The following NHLRC2 variants were observed in gnomAD, a reference collection of about 807,000 sequenced individuals.
NHLRC2 encodes the protein NHL repeat-containing protein 2.
In NHLRC2, 33 loss-of-function variants were observed where a neutral mutation model predicts 68.1. The ratio of observed to expected loss-of-function variants is 0.48; its 90% confidence interval spans 0.37 to 0.65. The LOEUF (loss-of-function observed/expected upper bound fraction) is 0.65, where lower values mean the gene tolerates loss of function less well. NHLRC2 is among the 30% of genes least tolerant of loss of function. The pLI, the probability that NHLRC2 is intolerant of heterozygous loss-of-function variation, is 0.00. For missense variants in NHLRC2, 761 were observed against 853.8 expected, an observed-to-expected ratio of 0.89 and a Z score of 1.35; for synonymous variants, 311 against 309.6, an observed-to-expected ratio of 1.00 and a Z score of -0.05.
At chr10:113,893,439 T>C (rs1846150281) in intron 5 of NHLRC2, among the ~76,000 whole-genome samples, 2 of 152,182 alleles carry the variant, frequency 1.3e-5, no homozygotes, top group African/African-American at 4.8e-5. Context: ...TTTTATAAAA[T>C]GAAGATGATG....
chr10:113,876,155 A>C (rs1845977568), intron 2 of NHLRC2, among the ~76,000 whole-genome samples: 1 of 151,872 alleles, frequency 6.6e-6, no homozygotes, highest in African/African-American at 2.4e-5. Flanking sequence ...TCCCAAAAGC[A>C]GGCATAGTCA....
chr10:113,886,645 G>GT (rs1338568363), intron 5 of NHLRC2, among the ~76,000 whole-genome samples: 1 of 152,132 alleles, frequency 6.6e-6, no homozygotes, highest in Non-Finnish European at 1.5e-5. Context: ...AGGACAATTC[G>GT]TTCCATAAAT....
chr10:113,893,191 C>T (rs572787568), intron 5 of NHLRC2, among the ~76,000 whole-genome samples: 1 of 152,246 alleles, frequency 6.6e-6, no homozygotes, highest in South Asian at 2.1e-4. Flanking sequence ...TACATTTAAT[C>T]AGATCCCTGT....
intron 6 of NHLRC2, among the ~76,000 whole-genome samples, chr10:113,898,837 CTTAT>C (rs1295140664): frequency 6.6e-6 from 1 of 152,136 alleles, no homozygotes; most frequent in Non-Finnish European, 1.5e-5. Flanking sequence ...CCTCAGTTTC[CTTAT>C]TTATATTACC....
chr10:113,904,872 A>G lies in NHLRC2; in HGVS notation c.1760A>G (p.Lys587Arg). The G allele has an allele frequency of 6.2e-7, 1 of 1,613,402 alleles. No individual in the cohort carries two copies. Among genetic ancestry groups the G allele is most frequent in the Non-Finnish European group, 8.5e-7 (1 of 1,179,762 alleles). ...GTAGATGGCCCGTTCCTAGTAGAAAAACAGAAGACATTACCCAAACTACCT... is the reference window on the plus strand; with the variant it reads ...GTAGATGGCCCGTTCCTAGTAGAAAGACAGAAGACATTACCCAAACTACCT... Reference protein sequence around the residue: ...AVVDGPFLVEKQKTLPKLPKS... With the variant: ...AVVDGPFLVERQKTLPKLPKS... The change falls in exon 10 of 11, where the codon AAA becomes AGA. Residue 587 changes from lysine to arginine, a missense_variant. Coordinates refer to ENST00000369301, the MANE Select transcript of NHLRC2 (RefSeq NM_198514.4).
chr10:113,900,081 G>T (rs897198995), intron 6 of NHLRC2, among the ~76,000 whole-genome samples: 1 of 152,088 alleles, frequency 6.6e-6, no homozygotes, highest in African/African-American at 2.4e-5. Flanking sequence ...GCAAGAATTG[G>T]CACTAGTGAT....
chr10:113,856,481 C>G (rs575757319), intron 1 of NHLRC2, among the ~76,000 whole-genome samples: 87 of 60,800 alleles, frequency 1.4e-3, no homozygotes, highest in Admixed American at 3.5e-3. Flanking sequence ...GAATGCTTAT[C>G]CCATCAAACT....
rs573577719 is a variant in NHLRC2 at position 113,894,349 on chromosome 10, T to C, written c.1040-3761T>C. Among the ~76,000 whole-genome samples, 16 of 152,282 alleles carry C rather than the reference T, an allele frequency of 1.1e-4. 1 individual carries two copies. In the South Asian group the frequency reaches 3.1e-3, roughly 30 times the overall value. On this transcript the variant is annotated intron_variant, in intron 5 of 10. Coordinates refer to ENST00000369301, the MANE Select transcript of NHLRC2 (RefSeq NM_198514.4). Reference sequence around the variant, plus strand: ...TCTTAGTGTAGAAGGCTTATAAATCTTTTTTACCCTTAGGTGTTTGATGTT... The same window carrying C: ...TCTTAGTGTAGAAGGCTTATAAATCCTTTTTACCCTTAGGTGTTTGATGTT...
chr10:113,884,354 C>T lies in NHLRC2; in HGVS notation c.1013C>T (p.Pro338Leu), dbSNP rs1846062683. 3 of 1,609,878 alleles carry T rather than the reference C, an allele frequency of 1.9e-6. No individual in the cohort carries two copies. The highest frequency in any genetic ancestry group is 2.5e-6 in the Non-Finnish European group (3 of 1,177,068). The change falls in exon 5 of 11, where the codon CCT becomes CTT. Residue 338 changes from proline to leucine, a missense_variant. By Grantham distance (98) the Pro-to-Leu change is moderately conservative. Transcript: ENST00000369301. ...GGAGAACAACAACCCATTAGTTCCC[C>T]TTGGGATGTAGTTTTTGGAACATCA... Reference protein sequence around the residue: ...AKGEQQPISSPWDVVFGTSGS... With the variant: ...AKGEQQPISSLWDVVFGTSGS...
chr10:113,901,825 C>G lies in NHLRC2; in HGVS notation c.1299C>G (p.Ser433Arg), dbSNP rs773811674. ...WSCLFVADSE[S>R]STVRTVSLKD... ...GCTTGTTTGTAGCAGATAGTGAGAG[C>G]AGTACAGTGAGAACCGTTTCACTGA... Residue 433 changes from serine to arginine, a missense_variant, in exon 7 of 11, where the codon AGC becomes AGG. Transcript: ENST00000369301. 6.2e-7 allele frequency: 1 copy of G among 1,614,064 alleles called. No homozygotes were observed. Among genetic ancestry groups the G allele is most frequent in the East Asian group, 2.2e-5 (1 of 44,860 alleles).
rs11196532 is a variant in NHLRC2 at position 113,854,672 on chromosome 10, G to A, written c.-201G>A. The A allele has an allele frequency of 6.4e-4, 350 of 545,946 alleles. 1 individual carries two copies. The African/African-American group carries it at 6.6e-3, about 10-fold the overall frequency. 33.8% of individuals were successfully genotyped at this position (545,946 alleles called of 1,614,324 possible). On this transcript the variant is annotated 5_prime_UTR_variant, in exon 1 of 11. Transcript: ENST00000369301. ...GTGGGTCGGACGGCAGTTTAATTAC[G>A]TCCCCGGGAACTGCGCCGATTTGGA...
intron 9 of NHLRC2, among the ~76,000 whole-genome samples, chr10:113,904,382 T>A (rs1387223740): frequency 6.6e-6 from 1 of 152,162 alleles, no homozygotes; most frequent in African/African-American, 2.4e-5. Flanking sequence ...ACTGGTAATT[T>A]GCACGGTATA....
At position 113,854,843 on chromosome 10, in the gene NHLRC2, C is replaced by T. The variant is rs1845726299; in HGVS notation, c.-30C>T. The stretch of plus-strand genomic sequence containing the variant: ...TCCCAGCGAGACTCTCCCGCGGGCC[C>T]GGCGGCCGCATCGGGAGCCCGGCGG... On this transcript the variant is annotated 5_prime_UTR_variant, in exon 1 of 11. Transcript: ENST00000369301. The T allele has an allele frequency of 6.6e-7, 1 of 1,526,334 alleles. No individual in the cohort carries two copies. Among genetic ancestry groups the T allele is most frequent in the Non-Finnish European group, 8.8e-7 (1 of 1,137,014 alleles). 94.5% of individuals were successfully genotyped at this position (1,526,334 alleles called of 1,614,324 possible).
At chr10:113,879,789 A>C (rs1401630152) in intron 4 of NHLRC2, 94 bp downstream of exon 4, 2 of 743,466 alleles carry the variant, frequency 2.7e-6, no homozygotes, top group African/African-American at 1.9e-5. Flanking sequence ...CGTGATTCTT[A>C]TGTATGTCAA....
chr10:113,863,558 T>G (rs1845835831), intron 2 of NHLRC2, among the ~76,000 whole-genome samples: 1 of 151,998 alleles, frequency 6.6e-6, no homozygotes, highest in African/African-American at 2.4e-5. Context: ...TTTTACACCT[T>G]AAGAATCTAG....
intron 6 of NHLRC2, 142 bp from the exon 7 acceptor site, chr10:113,901,524 A>G: frequency 9.5e-6 from 6 of 631,766 alleles, no homozygotes; most frequent in Admixed American, 2.9e-5. Flanking sequence ...GACTTGAACA[A>G]TTTAACTAGA....
rs375158975 is a variant in NHLRC2, at chr10:113,901,929, G to A, written c.1371+32G>A. ...ACAGTCACTCTTGCACAGTGCGCTC[G>A]GACACTGAGCAAGCTGTCAATTTTG... On this transcript the variant is annotated intron_variant, in intron 7 of 10. Coordinates refer to ENST00000369301, the MANE Select transcript of NHLRC2 (RefSeq NM_198514.4). 406 of 1,407,424 alleles carry A rather than the reference G, an allele frequency of 2.9e-4. 1 individual carries two copies. Among genetic ancestry groups the A allele is most frequent in the Admixed American group, 4.2e-4 (24 of 57,160 alleles). The allele number at this position is 1,407,424 out of a possible 1,614,324, so 87.2% of individuals were successfully genotyped here. A position where few individuals can be genotyped will look rare whatever the true frequency, so the allele number is the denominator to read the frequency against.
Position 113,858,685 on chromosome 10 carries a change from C to A in NHLRC2, c.331+5C>A. 2 of 1,604,614 alleles carry A rather than the reference C, an allele frequency of 1.2e-6. No individual in the cohort carries two copies. Among genetic ancestry groups the A allele is most frequent in the Non-Finnish European group, 1.7e-6 (2 of 1,172,226 alleles). On this transcript the variant is annotated splice_donor_5th_base_variant and intron_variant, in intron 2 of 10. Transcript: ENST00000369301. The stretch of plus-strand genomic sequence containing the variant: ...AACACACATACTCTGATAAAGGTAT[C>A]TGCTCTTTAATTAGTTTCTAACAGA...
chr10:113,903,416 T>C (rs1479918450), intron 8 of NHLRC2, 111 bp from the exon 9 acceptor site: 8 of 702,574 alleles, frequency 1.1e-5, no homozygotes, highest in African/African-American at 1.1e-4. Context: ...GTGAGACTTA[T>C]TGAGAATATT....
Sources: gnomAD v4.1 joint callset for allele counts (sites outside exome capture counted in the v4.1 genomes callset) on GRCh38, gnomAD v4.1.1 for gene constraint, MANE v1.5 for transcripts, NCBI Gene and HGNC (gene_info 2026-07-23, HGNC 2026-07-21) for gene names.